BCAS3: variants seen among roughly 807,000 people sequenced by gnomAD.
BCAS3 encodes BCAS4/BCAS3 fusion.
Under a neutral mutation model 116.1 loss-of-function variants are expected in BCAS3, and 53 were observed. That is an observed-to-expected ratio of 0.46 (90% CI 0.37 to 0.57). The LOEUF (loss-of-function observed/expected upper bound fraction) is 0.57, where lower values mean the gene tolerates loss of function less well. Among genes scored for constraint, BCAS3 ranks in the 20% least tolerant of loss-of-function variants. The probability of loss-of-function intolerance (pLI) is 0.00; values close to 1 mark genes in which losing one functional copy is unlikely to be tolerated. For synonymous variants in BCAS3, 391 were observed against 408.2 expected (o/e 0.96, Z 0.51); for missense variants, 917 against 1,165.4 (o/e 0.79, Z 3.10).
intron 22 of BCAS3, among the ~76,000 whole-genome samples, chr17:61,299,360 G>A (rs113906224): frequency 0.055 from 8,195 of 149,628 alleles, 712 homozygotes; most frequent in African/African-American, 0.19. Flanking sequence ...GGAGAATGGC[G>A]TGAACCTGGG....
rs1324993424 is a variant in BCAS3 at position 61,324,818 on chromosome 17, C to G, written c.2426-43509C>G. Among the ~76,000 whole-genome samples, 2 of 142,268 alleles carry G rather than the reference C, an allele frequency of 1.4e-5. No individual in the cohort carries two copies. The highest frequency in any genetic ancestry group is 3.0e-5 in the Non-Finnish European group (2 of 66,722). The allele number at this position is 142,268 out of a possible 152,430, so 93.3% of individuals were successfully genotyped here. On this transcript the variant is annotated intron_variant, in intron 22 of 23. Transcript: ENST00000407086. This position sits in a 1 kb window ranked among gnomAD's most constrained non-coding sequence, Gnocchi z 4.6. ...TGGGCAACCTAGTGAGACCTCATCT[C>G]TATGAAAAAAAAAAAAAAAGAAGAA...
chr17:61,318,917 G>T (rs1330144756), intron 22 of BCAS3, among the ~76,000 whole-genome samples: 1 of 152,226 alleles, frequency 6.6e-6, no homozygotes, highest in Admixed American at 6.5e-5. Flanking sequence ...TTCACTCCCG[G>T]AGTGACATAG....
chr17:61,319,585 C>T (rs1257982003), intron 22 of BCAS3, among the ~76,000 whole-genome samples: 3 of 149,732 alleles, frequency 2.0e-5, no homozygotes, highest in East Asian at 2.0e-4. Context: ...CAATATATCA[C>T]GAGATTAAAT....
intron 22 of BCAS3, among the ~76,000 whole-genome samples, chr17:61,177,262 A>G (rs1401871106): frequency 2.6e-5 from 4 of 152,266 alleles, no homozygotes; most frequent in Admixed American, 6.5e-5. Flanking sequence ...AAAGTTTAGT[A>G]TCAGCTATAT....
Position 61,278,606 on chromosome 17 carries a change from T to C in BCAS3, c.2426-89721T>C, listed in dbSNP as rs2050977007. Among the ~76,000 whole-genome samples, 1 of 152,192 alleles carries C rather than the reference T, an allele frequency of 6.6e-6. No homozygotes were observed. The highest frequency in any genetic ancestry group is 2.1e-4 in the South Asian group (1 of 4,828). ...CACCCTAAGTATTCCAACACATTCA[T>C]GGATAAACAAAATGTGGTGTGTTCC... On this transcript the variant is annotated intron_variant, in intron 22 of 23. Transcript: ENST00000407086. This position sits in a 1 kb window ranked among gnomAD's most constrained non-coding sequence, Gnocchi z 5.8.
intron 7 of BCAS3, among the ~76,000 whole-genome samples, chr17:60,867,670 A>AT: frequency 6.6e-6 from 1 of 152,164 alleles, no homozygotes; most frequent in Non-Finnish European, 1.5e-5. Context: ...GTGTGCACAG[A>AT]TGATCTATAT....
At chr17:60,830,535 C>T (rs1430540593) in intron 7 of BCAS3, among the ~76,000 whole-genome samples, 1 of 152,100 alleles carries the variant, frequency 6.6e-6, no homozygotes, top group Non-Finnish European at 1.5e-5. Flanking sequence ...GTATGACCCT[C>T]AGGTGTGTTT....
chr17:60,889,826 T>C (rs768542639), intron 10 of BCAS3, 55 bp downstream of exon 10: 3 of 1,488,200 alleles, frequency 2.0e-6, no homozygotes, highest in Non-Finnish European at 2.8e-6. Context: ...TTGAAGGATT[T>C]TCCATAAAAA....
chr17:60,730,786 A>G (rs2040383041), intron 5 of BCAS3, among the ~76,000 whole-genome samples: 1 of 152,214 alleles, frequency 6.6e-6, no homozygotes, highest in Non-Finnish European at 1.5e-5. Flanking sequence ...TAGTGTATTT[A>G]TAGGAGATTC....
At chr17:61,266,233 A>T (rs1327063734) in intron 22 of BCAS3, among the ~76,000 whole-genome samples, 1 of 152,206 alleles carries the variant, frequency 6.6e-6, no homozygotes, top group Non-Finnish European at 1.5e-5. Flanking sequence ...TTACCTTAGT[A>T]CTTGGGAGTT....
At chr17:61,172,624 G>C (rs1338273897) in intron 22 of BCAS3, among the ~76,000 whole-genome samples, 3 of 143,066 alleles carry the variant, frequency 2.1e-5, no homozygotes, top group Non-Finnish European at 4.6e-5. Flanking sequence ...GCGACAGAGC[G>C]AGACTCCGTC....
At chr17:60,980,447 C>A (rs1306492754) in intron 14 of BCAS3, 1 of 151,642 alleles carries the variant, frequency 6.6e-6, no homozygotes, top group Non-Finnish European at 1.5e-5. Flanking sequence ...AAATATTTGT[C>A]CCAGTCCTTT....
At chr17:60,865,993 T>C (rs1239496503) in intron 7 of BCAS3, among the ~76,000 whole-genome samples, 2 of 152,204 alleles carry the variant, frequency 1.3e-5, no homozygotes. Context: ...TGCATCTTTC[T>C]AATGTGATAA....
chr17:60,986,453 C>A (rs144015349), intron 14 of BCAS3, among the ~76,000 whole-genome samples: 1 of 152,206 alleles, frequency 6.6e-6, no homozygotes, highest in African/African-American at 2.4e-5. Context: ...TTTACATTCC[C>A]ACCAATAGTG....
chr17:61,070,019 A>G, intron 19 of BCAS3: 1 of 1,595,680 alleles, frequency 6.3e-7, no homozygotes, highest in Non-Finnish European at 8.5e-7. Flanking sequence ...CGGCAGCCGA[A>G]GACACTGCGA....
intron 23 of BCAS3, among the ~76,000 whole-genome samples, chr17:61,375,497 C>T (rs1340153280): frequency 6.6e-6 from 1 of 152,122 alleles, no homozygotes; most frequent in South Asian, 2.1e-4. Flanking sequence ...ATCATATTAG[C>T]CCCATCCCAT....
chr17:60,722,345 C>T, intron 5 of BCAS3, among the ~76,000 whole-genome samples: 1 of 152,202 alleles, frequency 6.6e-6, no homozygotes. Flanking sequence ...ACTTTGTACT[C>T]TCACCAGAAT....
At chr17:60,770,186 G>A (rs531078070) in intron 6 of BCAS3, among the ~76,000 whole-genome samples, 43 of 152,106 alleles carry the variant, frequency 2.8e-4, no homozygotes, top group Non-Finnish European at 5.9e-4. Context: ...AGTCAGTTCC[G>A]TATGTTAGTC....
At chr17:61,237,488 T>C (rs1279180944) in intron 22 of BCAS3, among the ~76,000 whole-genome samples, 1 of 152,224 alleles carries the variant, frequency 6.6e-6, no homozygotes, top group African/African-American at 2.4e-5. Flanking sequence ...CCTAGCAGGC[T>C]GTGGAAGCTG....
Sources: gnomAD v4.1 joint callset for allele counts (sites outside exome capture counted in the v4.1 genomes callset) on GRCh38, gnomAD v4.1.1 for gene constraint, Gnocchi (gnomAD v3.1) non-coding constraint, MANE v1.5 for transcripts, NCBI Gene and HGNC (gene_info 2026-07-23, HGNC 2026-07-21) for gene names.